The following AFDN variants were observed in gnomAD, a reference collection of about 807,000 sequenced individuals.
AFDN encodes the protein afadin, adherens junction formation factor, also known as afadin.
AFDN carries 68 observed loss-of-function variants against 216.6 expected under a neutral mutation model. That is an observed-to-expected ratio of 0.31 (90% confidence interval 0.26 to 0.38). The LOEUF (loss-of-function observed/expected upper bound fraction) is 0.38. Among genes scored for constraint, AFDN ranks in the 10% least tolerant of loss-of-function variants. The probability of loss-of-function intolerance (pLI) is 1.00; values close to 1 mark genes in which losing one functional copy is unlikely to be tolerated. For missense variants in AFDN, 2,136 were observed against 2,342.0 expected (o/e 0.91, Z 1.82); for synonymous variants, 868 against 853.7 (o/e 1.02, Z -0.29).
rs867398164 is a variant in AFDN, at chr6:167,943,267, G to A, written c.3165+73G>A. 73 of 1,466,692 alleles carry A rather than the reference G, an allele frequency of 5.0e-5. No individual in the cohort carries two copies. The Middle Eastern group carries it at 1.0e-3, about 21-fold the overall frequency. 90.9% of individuals were successfully genotyped at this position (1,466,692 alleles called of 1,614,324 possible). The stretch of plus-strand genomic sequence containing the variant: ...AGCAAATGATGTGAGAGATTCTGCT[G>A]ATACTTCTAGTTATGTAGCACTATA... On this transcript the variant is annotated intron_variant, in intron 24 of 33. Coordinates refer to ENST00000683244, the MANE Select transcript of AFDN (RefSeq NM_001386888.1).
Position 167,898,201 on chromosome 6 carries a change from C to G in AFDN, c.1318-4C>G. The G allele has an allele frequency of 6.2e-7, 1 of 1,612,706 alleles. No individual in the cohort carries two copies. On this transcript the variant is annotated splice_region_variant and splice_polypyrimidine_tract_variant and intron_variant, in intron 10 of 33. Transcript: ENST00000683244. ...GAGTTTCTTTGGTTTCCTTCGGTTTCCAGTTGTTTGGCCCAGGAATTCAGC... is the reference window on the plus strand; with the variant it reads ...GAGTTTCTTTGGTTTCCTTCGGTTTGCAGTTGTTTGGCCCAGGAATTCAGC...
chr6:167,889,521 C>T (rs1583293512), intron 7 of AFDN, among the ~76,000 whole-genome samples, 195 bp downstream of exon 7: 1 of 152,178 alleles, frequency 6.6e-6, no homozygotes, highest in Non-Finnish European at 1.5e-5. Flanking sequence ...GCAAGCTCCA[C>T]CTCCCGGTTT....
At position 167,962,983 on chromosome 6, in the gene AFDN, T is replaced by C; in HGVS notation, c.4968+416T>C. The C allele has an allele frequency of 9.2e-7, 1 of 1,088,970 alleles. No homozygotes were observed. Among genetic ancestry groups the C allele is most frequent in the Non-Finnish European group, 1.1e-6 (1 of 892,342 alleles). 67.5% of individuals were successfully genotyped at this position (1,088,970 alleles called of 1,614,324 possible). ...AGCGTAGTAAGACAGTTGGCTGCCA[T>C]TCAACATTTCAAATAGATGGTTTAC... is the stretch of plus-strand genomic sequence containing the variant. On this transcript the variant is annotated intron_variant, in intron 31 of 33. Transcript: ENST00000683244. This position sits in a 1 kb window ranked among gnomAD's most constrained non-coding sequence, Gnocchi z 5.2.
At chr6:167,875,610 A>T in intron 5 of AFDN, 115 bp downstream of exon 5, 1 of 1,086,742 alleles carries the variant, frequency 9.2e-7, no homozygotes. Flanking sequence ...ACCTTTTCAT[A>T]ACAAATGTGT....
intron 1 of AFDN, among the ~76,000 whole-genome samples, chr6:167,858,648 A>G (rs1277927105): frequency 6.6e-6 from 1 of 152,210 alleles, no homozygotes; most frequent in Non-Finnish European, 1.5e-5. Flanking sequence ...TTATTTTCAG[A>G]CAAAAATTTA....
At chr6:167,924,948 C>T in intron 22 of AFDN, 57 bp from the exon 23 acceptor site, 1 of 1,204,462 alleles carries the variant, frequency 8.3e-7, no homozygotes, top group South Asian at 1.2e-5. Context: ...AGTTGTCTAA[C>T]CATACAGAAG....
intron 32 of AFDN, among the ~76,000 whole-genome samples, chr6:167,968,147 A>G (rs1797742139): frequency 6.6e-6 from 1 of 152,242 alleles, no homozygotes; most frequent in South Asian, 2.1e-4. Context: ...ATATAATACA[A>G]TGTTTTTAAA....
intron 1 of AFDN, among the ~76,000 whole-genome samples, chr6:167,846,247 C>G (rs1781666808): frequency 6.6e-6 from 1 of 151,984 alleles, no homozygotes; most frequent in Admixed American, 6.6e-5. Flanking sequence ...ATTAAACTCT[C>G]TGTGACTGGA....
chr6:167,904,055 G>A (rs1044844131), intron 12 of AFDN, among the ~76,000 whole-genome samples: 4 of 152,182 alleles, frequency 2.6e-5, no homozygotes, highest in African/African-American at 4.8e-5. Flanking sequence ...AGTTTGGAGG[G>A]CCAGGGTTTC....
chr6:167,902,235 T>C (rs1229852642), intron 11 of AFDN, 82 bp from the exon 12 acceptor site: 8 of 986,660 alleles, frequency 8.1e-6, no homozygotes, highest in African/African-American at 1.6e-5. Flanking sequence ...GGTATTTTAG[T>C]TCTTCCTTGT....
intron 6 of AFDN, among the ~76,000 whole-genome samples, chr6:167,887,654 C>T (rs1787035571): frequency 6.6e-6 from 1 of 152,054 alleles, no homozygotes; most frequent in Non-Finnish European, 1.5e-5. Flanking sequence ...GACAAGGTTT[C>T]ACTATGTTGC....
chr6:167,903,887 T>G (rs1789307026), intron 12 of AFDN, among the ~76,000 whole-genome samples: 1 of 152,208 alleles, frequency 6.6e-6, no homozygotes, highest in South Asian at 2.1e-4. Flanking sequence ...TGTCCTGTCT[T>G]ACTTGTTGCA....
chr6:167,897,486 G>C (rs986891843), intron 10 of AFDN, among the ~76,000 whole-genome samples: 10 of 152,136 alleles, frequency 6.6e-5, no homozygotes, highest in African/African-American at 1.7e-4. Context: ...CAATTTGTAA[G>C]ATGATGGGTT....
chr6:167,959,309 G>T lies in AFDN; in HGVS notation c.4834-3124G>T, dbSNP rs372367161. Among the ~76,000 whole-genome samples the T allele has an allele frequency of 4.0e-4, 61 of 152,328 alleles. 1 individual carries two copies. The highest frequency in any genetic ancestry group is 1.4e-3 in the African/African-American group (58 of 41,578). On this transcript the variant is annotated intron_variant, in intron 30 of 33. Coordinates refer to ENST00000683244, the MANE Select transcript of AFDN (RefSeq NM_001386888.1). ...GGTGCTACAGTGGATGGTTTTTCCT[G>T]TGTCATTTAATACATTCTACCACTG... is the stretch of plus-strand genomic sequence containing the variant.
chr6:167,839,002 A>G (rs1186906431), intron 1 of AFDN, among the ~76,000 whole-genome samples: 1 of 152,140 alleles, frequency 6.6e-6, no homozygotes, highest in East Asian at 1.9e-4. Flanking sequence ...TTGCCTTTAG[A>G]TTCTTGTGGC....
At chr6:167,968,218 A>G (rs1366656583) in intron 32 of AFDN, among the ~76,000 whole-genome samples, 4 of 152,220 alleles carry the variant, frequency 2.6e-5, no homozygotes, top group Non-Finnish European at 5.9e-5. Flanking sequence ...GCGGTAATTT[A>G]TCTAAAGGCC....
chr6:167,898,332 T>A lies in AFDN; in HGVS notation c.1445T>A (p.Met482Lys). The change falls in exon 11 of 34, where the codon ATG becomes AAG. Residue 482 changes from methionine (M) to lysine (K), a missense_variant. By Grantham distance (95) the Met-to-Lys change is moderately conservative (BLOSUM62 -1). Coordinates refer to ENST00000683244, the MANE Select transcript of AFDN (RefSeq NM_001386888.1). ...GGCCAGCGCATCTCAGAAACCACCA[T>A]GCTGCAGAGTGGCATGAAAGTGCAG... ...VEGQRISETTMLQSGMKVQFG... is the reference protein window; with the variant it reads ...VEGQRISETTKLQSGMKVQFG... 3 of 1,614,164 alleles carry A rather than the reference T, an allele frequency of 1.9e-6. No homozygotes were observed. Among genetic ancestry groups the A allele is most frequent in the South Asian group, 1.1e-5 (1 of 91,084 alleles).
At position 167,952,243 on chromosome 6, in the gene AFDN, C is replaced by T. The variant is rs78460372; in HGVS notation, c.4833+56C>T. The T allele has an allele frequency of 1.7e-3, 2,781 of 1,612,360 alleles. 46 individuals carry two copies. The African/African-American group carries it at 0.03, about 17-fold the overall frequency. On this transcript the variant is annotated intron_variant, in intron 30 of 33. Coordinates refer to ENST00000683244, the MANE Select transcript of AFDN (RefSeq NM_001386888.1). The stretch of plus-strand genomic sequence containing the variant: ...TCTGTGGTCCCTATTTTAGCTTCTG[C>T]GTGTTTCCCATGGGGATAGCTAGGC...
Position 167,827,243 on chromosome 6 carries a change from C to T in AFDN, c.105+6C>T, listed in dbSNP as rs1367104484. 8.8e-7 allele frequency: 1 copy of T among 1,141,998 alleles called. No individual in the cohort carries two copies. Among genetic ancestry groups the T allele is most frequent in the African/African-American group, 1.7e-5 (1 of 60,564 alleles). The allele number at this position is 1,141,998 out of a possible 1,614,324, so 70.7% of individuals were successfully genotyped here. A position where few individuals can be genotyped will look rare whatever the true frequency, so the allele number is the denominator to read the frequency against. The stretch of plus-strand genomic sequence containing the variant: ...AGATCAGCCAGCCGACCGAGGTGAG[C>T]ACCGCCGGGCGCGGGGCCTGCGCGA... On this transcript the variant is annotated splice_donor_region_variant and intron_variant, in intron 1 of 33. Coordinates refer to ENST00000683244, the MANE Select transcript of AFDN (RefSeq NM_001386888.1).
Sources: gnomAD v4.1 joint callset for allele counts (sites outside exome capture counted in the v4.1 genomes callset) on GRCh38, gnomAD v4.1.1 for gene constraint, Gnocchi (gnomAD v3.1) non-coding constraint, MANE v1.5 for transcripts, NCBI Gene and HGNC (gene_info 2026-07-23, HGNC 2026-07-21) for gene names.